The following INVS variants were observed in gnomAD, a reference collection of about 807,000 sequenced individuals.
INVS encodes the protein inversion of embryo turning homolog.
Under a neutral mutation model 108.8 loss-of-function variants are expected in INVS, and 86 were observed. The ratio of observed to expected loss-of-function variants is 0.79; its 90% CI spans 0.66 to 0.95. INVS has a LOEUF of 0.95. INVS is among the 40% of genes least tolerant of loss of function. INVS has a pLI of 0.00. For synonymous variants in INVS, 455 were observed against 473.5 expected, an observed-to-expected ratio of 0.96 and a Z score of 0.51; for missense variants, 1,169 against 1,297.4, an observed-to-expected ratio of 0.90 and a Z score of 1.52.
intron 3 of INVS, among the ~76,000 whole-genome samples, chr9:100,140,260 C>G (rs557136269): frequency 1.3e-5 from 2 of 152,028 alleles, no homozygotes; most frequent in Non-Finnish European, 2.9e-5. Context: ...TGGGTGCAGG[C>G]GGGCTGAGTC....
At chr9:100,250,158 A>G (rs1039709978) in intron 8 of INVS, among the ~76,000 whole-genome samples, 1 of 152,146 alleles carries the variant, frequency 6.6e-6, no homozygotes, top group African/African-American at 2.4e-5. Flanking sequence ...CCCTCTTTGA[A>G]AAGTGCTGTA....
chr9:100,198,264 A>AGTTTTTTTTTTTTTTTTTTT, intron 3 of INVS, among the ~76,000 whole-genome samples: 1 of 65,286 alleles, frequency 1.5e-5, no homozygotes, highest in South Asian at 6.1e-4. Flanking sequence ...GAGGGCTAGA[A>AGTTTTTTTTTTTTTTTTTTT]TTTTTTTTTT....
At chr9:100,184,180 A>G (rs1375793860) in intron 3 of INVS, among the ~76,000 whole-genome samples, 4 of 152,162 alleles carry the variant, frequency 2.6e-5, no homozygotes, top group Admixed American at 2.6e-4. Context: ...AAATTGCTTG[A>G]GTTTCACTTC....
At chr9:100,101,538 TCCTTA>T (rs747289900) in intron 1 of INVS, 3 of 152,160 alleles carry the variant, frequency 2.0e-5, no homozygotes, top group Non-Finnish European at 4.4e-5. Flanking sequence ...TTTCTGCCAG[TCCTTA>T]ACTCAAATTG....
intron 3 of INVS, among the ~76,000 whole-genome samples, chr9:100,224,074 TC>T (rs1831231146): frequency 6.6e-6 from 1 of 152,118 alleles, no homozygotes; most frequent in South Asian, 2.1e-4. Flanking sequence ...CAAAAAAATC[TC>T]ATAATGTTTT....
At chr9:100,293,118 A>G in intron 14 of INVS, 75 bp downstream of exon 14, 1 of 1,433,954 alleles carries the variant, frequency 7.0e-7, no homozygotes, top group East Asian at 2.3e-5. Flanking sequence ...GTGCTCTTTG[A>G]TGTTTTCCCA....
At chr9:100,160,901 G>A (rs1829149107) in intron 3 of INVS, among the ~76,000 whole-genome samples, 1 of 140,630 alleles carries the variant, frequency 7.1e-6, no homozygotes, top group African/African-American at 2.7e-5. Flanking sequence ...GTTGCAGTGA[G>A]CTGAGATCAC....
chr9:100,157,267 C>CTTTTTTTTTCTT (rs1829021972), intron 3 of INVS, among the ~76,000 whole-genome samples: 6 of 130,098 alleles, frequency 4.6e-5, no homozygotes, highest in African/African-American at 1.6e-4. Context: ...TCTTTTTTTT[C>CTTTTTTTTTCTT]TTTTTTTTTT....
At chr9:100,123,040 C>T (rs1486491536) in intron 2 of INVS, among the ~76,000 whole-genome samples, 1 of 152,034 alleles carries the variant, frequency 6.6e-6, no homozygotes, top group East Asian at 1.9e-4. Context: ...CTTTCCGTTT[C>T]TTGAATATTT....
intron 3 of INVS, among the ~76,000 whole-genome samples, chr9:100,157,256 T>A (rs2118999474): frequency 7.0e-6 from 1 of 141,936 alleles, no homozygotes; most frequent in South Asian, 2.1e-4. Context: ...TAGTAAAAAT[T>A]TCTTTTTTTT....
At chr9:100,229,955 T>G in intron 5 of INVS, 128 bp downstream of exon 5, 1 of 841,818 alleles carries the variant, frequency 1.2e-6, no homozygotes, top group Non-Finnish European at 1.9e-6. Flanking sequence ...AACAGACATA[T>G]GGACTCATCC....
intron 3 of INVS, chr9:100,175,743 A>G (rs1188149639): frequency 6.4e-6 from 4 of 627,016 alleles, no homozygotes; most frequent in Non-Finnish European, 1.2e-5. Flanking sequence ...CCAGACCTGT[A>G]GCAGTTCGGC....
At chr9:100,244,593 G>T (rs959528632) in intron 7 of INVS, among the ~76,000 whole-genome samples, 23 of 152,030 alleles carry the variant, frequency 1.5e-4, no homozygotes, top group Non-Finnish European at 3.1e-4. Flanking sequence ...TGTATTCAAA[G>T]AAATATTTTG....
chr9:100,114,542 C>T (rs991331603), intron 2 of INVS, among the ~76,000 whole-genome samples: 1 of 151,922 alleles, frequency 6.6e-6, no homozygotes, highest in Non-Finnish European at 1.5e-5. Context: ...GCTGGGACTA[C>T]AGGCATGTTC....
intron 3 of INVS, among the ~76,000 whole-genome samples, chr9:100,132,333 G>A (rs1214936687): frequency 1.3e-5 from 2 of 152,122 alleles, no homozygotes; most frequent in Non-Finnish European, 2.9e-5. Context: ...AAATTTAAAT[G>A]AATAATTATA....
At chr9:100,150,583 A>G (rs772297425) in intron 3 of INVS, among the ~76,000 whole-genome samples, 5 of 152,196 alleles carry the variant, frequency 3.3e-5, no homozygotes, top group Non-Finnish European at 5.9e-5. Flanking sequence ...TTAATTTTGT[A>G]TATAACATCA....
chr9:100,136,624 T>C (rs1280413788), intron 3 of INVS, among the ~76,000 whole-genome samples: 2 of 152,190 alleles, frequency 1.3e-5, no homozygotes, highest in Non-Finnish European at 1.5e-5. Flanking sequence ...TTAAGTCTCT[T>C]GTAATCTAAT....
intron 8 of INVS, among the ~76,000 whole-genome samples, chr9:100,250,857 G>C (rs1832209785): frequency 6.6e-6 from 1 of 152,150 alleles, no homozygotes. Flanking sequence ...TTCCATCACT[G>C]ACTGATAGGA....
chr9:100,273,321 C>T (rs1055762396), intron 12 of INVS, among the ~76,000 whole-genome samples: 1 of 151,882 alleles, frequency 6.6e-6, no homozygotes, highest in Non-Finnish European at 1.5e-5. Context: ...ATGTTTCAGC[C>T]CAGGGACAAA....
Sources: gnomAD v4.1 joint callset for allele counts (sites outside exome capture counted in the v4.1 genomes callset) on GRCh38, gnomAD v4.1.1 for gene constraint, MANE v1.5 for transcripts, NCBI Gene and HGNC (gene_info 2026-07-23, HGNC 2026-07-21) for gene names.